Variants in INPP5A observed in about 807,000 individuals in gnomAD.
INPP5A encodes 43 kDa inositol polyphosphate 5-phophatase.
In INPP5A, 14 loss-of-function variants were observed where a neutral mutation model predicts 65.2. That is an observed-to-expected ratio of 0.21 (90% CI 0.14 to 0.34). The LOEUF is 0.34. Ranked by LOEUF, INPP5A falls within the 10% of genes least tolerant of loss-of-function variation. INPP5A has a pLI of 1.00. For synonymous variants in INPP5A, 207 were observed against 208.3 expected, an observed-to-expected ratio of 0.99 and a Z score of 0.05; for missense variants, 431 against 545.6, an observed-to-expected ratio of 0.79 and a Z score of 2.09.
rs367623760 is a variant in INPP5A at position 132,781,885 on chromosome 10, A to G, written c.1183A>G (p.Met395Val). The change falls in exon 15 of 16, where the codon ATG (methionine) becomes GTG (valine). Residue 395 changes from methionine (M) to valine (V), a missense_variant. Met to Val is a conservative substitution (Grantham distance 21, BLOSUM62 1). Transcript: ENST00000368594. The stretch of plus-strand genomic sequence containing the variant: ...GCCCGTGTTCCTGGCCTTCCGAATC[A>G]TGCCCGGGGCAGGTAAACCTCATGC... ...HKPVFLAFRI[M>V]PGAGKPHAHV... 2 of 1,613,698 alleles carry G rather than the reference A, an allele frequency of 1.2e-6. No individual in the cohort carries two copies. Among genetic ancestry groups the G allele is most frequent in the African/African-American group, 1.3e-5 (1 of 74,926 alleles).
chr10:132,715,738 A>G (rs1845727964), intron 8 of INPP5A, among the ~76,000 whole-genome samples: 1 of 152,262 alleles, frequency 6.6e-6, no homozygotes, highest in African/African-American at 2.4e-5. Context: ...TCCTGGCCAC[A>G]GGGCTGGTTC....
At chr10:132,626,120 G>A (rs930698187) in intron 2 of INPP5A, among the ~76,000 whole-genome samples, 4 of 152,168 alleles carry the variant, frequency 2.6e-5, no homozygotes, top group African/African-American at 7.2e-5. Context: ...GGCGGCACCC[G>A]CCTGCTTTCC....
At chr10:132,554,880 G>A (rs12780260) in intron 1 of INPP5A, among the ~76,000 whole-genome samples, 1 of 147,292 alleles carries the variant, frequency 6.8e-6, no homozygotes, top group East Asian at 2.0e-4. Context: ...GGTTGGCATT[G>A]ATGTGGGTAG....
chr10:132,579,246 G>A (rs2071449788), intron 1 of INPP5A, among the ~76,000 whole-genome samples: 1 of 152,074 alleles, frequency 6.6e-6, no homozygotes, highest in Non-Finnish European at 1.5e-5. Context: ...GTGACGGAGG[G>A]GACCGCGGGG....
At chr10:132,561,882 G>A (rs905301348) in intron 1 of INPP5A, among the ~76,000 whole-genome samples, 4 of 152,174 alleles carry the variant, frequency 2.6e-5, no homozygotes. Flanking sequence ...GGTTGGTCCT[G>A]GGGAGGGGAG....
chr10:132,677,398 G>A (rs2072980785), intron 4 of INPP5A, among the ~76,000 whole-genome samples: 1 of 152,246 alleles, frequency 6.6e-6, no homozygotes, highest in African/African-American at 2.4e-5. Context: ...GTGGCACAGA[G>A]GAAGGAGAAA....
chr10:132,712,290 A>G (rs1239721676), intron 8 of INPP5A, among the ~76,000 whole-genome samples: 1 of 152,004 alleles, frequency 6.6e-6, no homozygotes, highest in Non-Finnish European at 1.5e-5. Flanking sequence ...ATGCACATGC[A>G]TGTGAGTGTA....
At chr10:132,747,066 G>A (rs150018700) in intron 9 of INPP5A, among the ~76,000 whole-genome samples, 11 of 152,366 alleles carry the variant, frequency 7.2e-5, no homozygotes, top group Non-Finnish European at 1.6e-4. Context: ...ACAGTTTCCC[G>A]CAGATGCCTT....
chr10:132,739,340 G>T (rs1413391945), intron 9 of INPP5A, among the ~76,000 whole-genome samples: 1 of 152,240 alleles, frequency 6.6e-6, no homozygotes, highest in East Asian at 1.9e-4. Context: ...GCCAAGTCTG[G>T]CCGGGGTCCC....
intron 11 of INPP5A, among the ~76,000 whole-genome samples, chr10:132,760,903 C>G (rs1846721478): frequency 6.6e-6 from 1 of 152,232 alleles, no homozygotes; most frequent in Non-Finnish European, 1.5e-5. Flanking sequence ...GGCAGTGTTT[C>G]CACTGTAAAC....
intron 1 of INPP5A, among the ~76,000 whole-genome samples, chr10:132,558,639 T>C (rs2071160219): frequency 6.6e-6 from 1 of 152,168 alleles, no homozygotes; most frequent in Non-Finnish European, 1.5e-5. Context: ...CCCTTCCTCC[T>C]TCTCCCTGGA....
chr10:132,643,423 C>T (rs1025835898), intron 2 of INPP5A, among the ~76,000 whole-genome samples: 1 of 152,030 alleles, frequency 6.6e-6, no homozygotes, highest in Non-Finnish European at 1.5e-5. Flanking sequence ...TCACTCGAGC[C>T]CAGGAGTTGG....
At chr10:132,669,782 C>T (rs780643247) in intron 4 of INPP5A, among the ~76,000 whole-genome samples, 2 of 151,988 alleles carry the variant, frequency 1.3e-5, no homozygotes, top group Non-Finnish European at 2.9e-5. Flanking sequence ...GGGATTTTGG[C>T]GTGAGCGTGG....
At chr10:132,758,415 G>A (rs1846669818) in intron 11 of INPP5A, among the ~76,000 whole-genome samples, 1 of 146,812 alleles carries the variant, frequency 6.8e-6, no homozygotes, top group East Asian at 2.1e-4. Context: ...ACAACACAGT[G>A]CCGTGGTGTG....
chr10:132,691,348 G>A (rs1259367027), intron 5 of INPP5A, among the ~76,000 whole-genome samples: 6 of 152,322 alleles, frequency 3.9e-5, no homozygotes, highest in Non-Finnish European at 8.8e-5. Flanking sequence ...AGGATCAGCC[G>A]CACAGAATTG....
chr10:132,757,174 C>T (rs1846637976), intron 11 of INPP5A, among the ~76,000 whole-genome samples: 1 of 152,216 alleles, frequency 6.6e-6, no homozygotes, highest in Admixed American at 6.5e-5. Context: ...CTTAGCGTCT[C>T]AGCGTTCCGT....
intron 9 of INPP5A, among the ~76,000 whole-genome samples, chr10:132,728,356 C>T (rs1846021900): frequency 6.6e-6 from 1 of 152,268 alleles, no homozygotes; most frequent in South Asian, 2.1e-4. Context: ...GGCCTGCCAT[C>T]CCACAGGCTC....
At position 132,704,420 on chromosome 10, in the gene INPP5A, C is replaced by T. The variant is rs1044977069; in HGVS notation, c.475-3893C>T. 3.9e-5 allele frequency among the ~76,000 whole-genome samples: 6 copies of T among 152,238 alleles called. No homozygotes were observed. The highest frequency in any genetic ancestry group is 3.9e-4 in the Admixed American group (6 of 15,284). On this transcript the variant is annotated intron_variant, in intron 6 of 15. Coordinates refer to ENST00000368594, the MANE Select transcript of INPP5A (RefSeq NM_005539.5). This position sits in a 1 kb window ranked among gnomAD's most constrained non-coding sequence, Gnocchi z 4.5. ...TAGGTGCAGTTCTTAACCTGTGAGC[C>T]TCAGTTTCCCTTTCTGGTCGGCCCG...
At chr10:132,581,386 T>C (rs1353309376) in intron 1 of INPP5A, among the ~76,000 whole-genome samples, 2 of 152,190 alleles carry the variant, frequency 1.3e-5, no homozygotes, top group African/African-American at 4.8e-5. Context: ...ACATCTATTT[T>C]TATTTTCTTA....
Sources: gnomAD v4.1 joint callset for allele counts (sites outside exome capture counted in the v4.1 genomes callset) on GRCh38, gnomAD v4.1.1 for gene constraint, Gnocchi (gnomAD v3.1) non-coding constraint, MANE v1.5 for transcripts, NCBI Gene and HGNC (gene_info 2026-07-23, HGNC 2026-07-21) for gene names.